WDR25: variants seen among roughly 807,000 people sequenced by gnomAD.
The protein encoded by WDR25 is WD repeat-containing protein 25.
WDR25 carries 35 observed loss-of-function variants against 47.7 expected under a neutral mutation model. That is an observed-to-expected ratio of 0.73 (90% CI 0.56 to 0.97). WDR25 has a LOEUF of 0.97. Among genes scored for constraint, WDR25 ranks in the 50% least tolerant of loss-of-function variants. The pLI, the probability that WDR25 is intolerant of heterozygous loss-of-function variation, is 0.00. For synonymous variants in WDR25, 248 were observed against 278.9 expected, an observed-to-expected ratio of 0.89 and a Z score of 1.10; for missense variants, 634 against 704.7, an observed-to-expected ratio of 0.90 and a Z score of 1.14.
At chr14:100,482,235 A>G (rs1447385299) in intron 3 of WDR25, among the ~76,000 whole-genome samples, 4 of 152,214 alleles carry the variant, frequency 2.6e-5, no homozygotes, top group Non-Finnish European at 5.9e-5. Context: ...CTACATTCAA[A>G]TAACTGAATC....
chr14:100,528,961 C>G (rs1017498590), intron 5 of WDR25, 107 bp from the exon 6 acceptor site: 1 of 1,364,524 alleles, frequency 7.3e-7, no homozygotes, highest in Non-Finnish European at 9.8e-7. Flanking sequence ...TGATAGGAAA[C>G]CAATGGAGAC....
At position 100,377,508 on chromosome 14, in the gene WDR25, C is replaced by A. The variant is rs1386117982; in HGVS notation, c.-16+1013C>A. Among the ~76,000 whole-genome samples the A allele has an allele frequency of 6.6e-5, 10 of 151,500 alleles. No individual in the cohort carries two copies. In the East Asian group the frequency reaches 1.9e-3, roughly 29 times the overall value. ...TATTTTTAGTAGAGACGGGGTTTCA[C>A]CATGTTGGCCAGGCTGGTCTTGAAC... On this transcript the variant is annotated intron_variant, in intron 1 of 6. Coordinates refer to ENST00000402312, the MANE Select transcript of WDR25 (RefSeq NM_001161476.3).
intron 4 of WDR25, among the ~76,000 whole-genome samples, chr14:100,514,232 G>C (rs375035378): frequency 1.3e-5 from 2 of 152,106 alleles, no homozygotes; most frequent in African/African-American, 4.8e-5. Flanking sequence ...CACCGCGCCC[G>C]GCCCTTTTTT....
intron 5 of WDR25, 118 bp downstream of exon 5, chr14:100,526,158 TC>T: frequency 7.7e-7 from 1 of 1,291,990 alleles, no homozygotes; most frequent in Non-Finnish European, 1.1e-6. Context: ...GACTGAAATC[TC>T]CAGGATGAGG....
chr14:100,411,223 C>T (rs1389759229), intron 2 of WDR25, among the ~76,000 whole-genome samples: 1 of 152,178 alleles, frequency 6.6e-6, no homozygotes, highest in Non-Finnish European at 1.5e-5. Flanking sequence ...GCTCAGACCC[C>T]AGCTTCCTAG....
At chr14:100,509,713 C>T (rs1449334906) in intron 4 of WDR25, among the ~76,000 whole-genome samples, 1 of 152,088 alleles carries the variant, frequency 6.6e-6, no homozygotes, top group Non-Finnish European at 1.5e-5. Context: ...AGTTTTTGTG[C>T]CCCTGTGTTT....
At chr14:100,455,605 G>T (rs1595105792) in intron 2 of WDR25, 2 of 152,142 alleles carry the variant, frequency 1.3e-5, no homozygotes, top group South Asian at 4.1e-4. Context: ...CCACACCTAG[G>T]CATATGGTAG....
intron 2 of WDR25, among the ~76,000 whole-genome samples, chr14:100,460,981 A>G: frequency 6.6e-6 from 1 of 152,190 alleles, no homozygotes; most frequent in East Asian, 1.9e-4. Context: ...GGGAAGCTGT[A>G]GCTGGAGGAT....
chr14:100,424,306 A>G lies in WDR25; in HGVS notation c.822+42560A>G, dbSNP rs1898107710. 6.6e-6 allele frequency among the ~76,000 whole-genome samples: 1 copy of G among 152,218 alleles called. No individual in the cohort carries two copies. Among genetic ancestry groups the G allele is most frequent in the Non-Finnish European group, 1.5e-5 (1 of 68,046 alleles). On this transcript the variant is annotated intron_variant, in intron 2 of 6. Transcript: ENST00000402312. The surrounding 1 kb of genome is among the most constrained non-coding windows in gnomAD (Gnocchi z 4.2). ...GCAGAAGTCTAACAAGGAGCAGGGCATTAGCCTCTGTTTCCATGACAGACT... is the reference window on the plus strand; with the variant it reads ...GCAGAAGTCTAACAAGGAGCAGGGCGTTAGCCTCTGTTTCCATGACAGACT...
chr14:100,385,571 T>G (rs1442643923), intron 2 of WDR25, among the ~76,000 whole-genome samples: 1 of 152,258 alleles, frequency 6.6e-6, no homozygotes, highest in African/African-American at 2.4e-5. Flanking sequence ...TAATATGTTC[T>G]AAATGTTCTG....
intron 4 of WDR25, among the ~76,000 whole-genome samples, chr14:100,495,195 A>C (rs1471805821): frequency 6.6e-6 from 1 of 152,068 alleles, no homozygotes; most frequent in Non-Finnish European, 1.5e-5. Flanking sequence ...TCTCTCTACT[A>C]AAAATATGAA....
chr14:100,453,211 C>T (rs1156799477), intron 2 of WDR25, among the ~76,000 whole-genome samples: 1 of 152,128 alleles, frequency 6.6e-6, no homozygotes, highest in African/African-American at 2.4e-5. Context: ...CTCTGGAGTG[C>T]AGGACTAGGG....
At chr14:100,497,223 T>C (rs962603898) in intron 4 of WDR25, among the ~76,000 whole-genome samples, 2 of 152,212 alleles carry the variant, frequency 1.3e-5, no homozygotes, top group Non-Finnish European at 2.9e-5. Flanking sequence ...TGGAGTGTTG[T>C]ATAAATGGCA....
rs2030388099 is a variant in WDR25, at chr14:100,529,792, T to C, written c.1414-28T>C. On this transcript the variant is annotated intron_variant, in intron 6 of 6. Coordinates refer to ENST00000402312, the MANE Select transcript of WDR25 (RefSeq NM_001161476.3). The surrounding 1 kb of genome is among the most constrained non-coding windows in gnomAD (Gnocchi z 5.1). ...TCACCCCGGCTTGACAGGTGCGGCT[T>C]GCTCACCCACTGTGTCCCTCTCTGC... 6.2e-7 allele frequency: 1 copy of C among 1,603,798 alleles called. No individual in the cohort carries two copies. Among genetic ancestry groups the C allele is most frequent in the Non-Finnish European group, 8.5e-7 (1 of 1,175,686 alleles).
chr14:100,463,038 C>T (rs1458331881), intron 2 of WDR25, among the ~76,000 whole-genome samples: 1 of 124,898 alleles, frequency 8.0e-6, no homozygotes, highest in Non-Finnish European at 1.7e-5. Context: ...CTTCCTTTTT[C>T]CCTTCTCTTC....
chr14:100,515,884 T>A (rs922746067), intron 4 of WDR25, among the ~76,000 whole-genome samples: 1 of 150,046 alleles, frequency 6.7e-6, no homozygotes, highest in Admixed American at 6.7e-5. Context: ...GTGATCCACC[T>A]GCCTCAGCCT....
rs933071822 is a variant in WDR25 at position 100,440,098 on chromosome 14, A to G, written c.823-27923A>G. On this transcript the variant is annotated intron_variant, in intron 2 of 6. Transcript: ENST00000402312. The surrounding 1 kb of genome is among the most constrained non-coding windows in gnomAD (Gnocchi z 4.4). ...ATAGTCATTTTCGAGTCACTCTCTG[A>G]TAAAGATAGAACACTTCATTTAGGC... Among the ~76,000 whole-genome samples the G allele has an allele frequency of 6.6e-6, 1 of 152,234 alleles. No homozygotes were observed. The highest frequency in any genetic ancestry group is 6.5e-5 in the Admixed American group (1 of 15,286).
chr14:100,479,259 AGCCCTCT>A (rs1444150597), intron 3 of WDR25, among the ~76,000 whole-genome samples: 2 of 152,142 alleles, frequency 1.3e-5, no homozygotes, highest in East Asian at 3.9e-4. Context: ...CCAAGGGGAC[AGCCCTCT>A]GCCTGTGCTC....
intron 3 of WDR25, among the ~76,000 whole-genome samples, chr14:100,477,207 G>T (rs1023536578): frequency 6.6e-6 from 1 of 152,168 alleles, no homozygotes; most frequent in African/African-American, 2.4e-5. Context: ...GTCATACGGG[G>T]GTGGAAGCAC....
Sources: gnomAD v4.1 joint callset for allele counts (sites outside exome capture counted in the v4.1 genomes callset) on GRCh38, gnomAD v4.1.1 for gene constraint, Gnocchi (gnomAD v3.1) non-coding constraint, MANE v1.5 for transcripts, NCBI Gene and HGNC (gene_info 2026-07-23, HGNC 2026-07-21) for gene names.